The following ZNF429 variants were observed in gnomAD, a reference collection of about 807,000 sequenced individuals.
ZNF429 encodes the protein zinc finger protein 429.
In ZNF429, 53 loss-of-function variants were observed where a neutral mutation model predicts 56.8. The ratio of observed to expected loss-of-function variants is 0.93; its 90% CI spans 0.75 to 1.17. ZNF429 has a LOEUF of 1.17. Ranked by LOEUF, ZNF429 falls within the 50% of genes most tolerant of loss-of-function variation. ZNF429 has a pLI of 0.00. For missense variants in ZNF429, 849 were observed against 788.4 expected, an observed-to-expected ratio of 1.08 and a Z score of -0.92; for synonymous variants, 278 against 264.7, an observed-to-expected ratio of 1.05 and a Z score of -0.49.
intron 1 of ZNF429, among the ~76,000 whole-genome samples, chr19:21,514,149 T>C (rs752400131): frequency 5.3e-5 from 8 of 152,210 alleles, no homozygotes; most frequent in Non-Finnish European, 1.0e-4. Flanking sequence ...ACCAGTCTTT[T>C]CACCTACATA....
At position 21,539,789 on chromosome 19, in the gene ZNF429, A is replaced by G. The variant is rs1239383535; in HGVS notation, c.*1711A>G. ...AAATTTTTGAAAAGCAAATTATGAT[A>G]TAATTCAAGTATCAAATTACTTCAT... On this transcript the variant is annotated 3_prime_UTR_variant, in exon 4 of 4. Transcript: ENST00000358491. Among the ~76,000 whole-genome samples, 2 of 152,162 alleles carry G rather than the reference A, an allele frequency of 1.3e-5. No individual in the cohort carries two copies. The highest frequency in any genetic ancestry group is 2.4e-5 in the African/African-American group (1 of 41,448).
intron 1 of ZNF429, 64 bp from the exon 2 acceptor site, chr19:21,529,593 TG>T: frequency 7.4e-7 from 1 of 1,353,740 alleles, no homozygotes; most frequent in South Asian, 1.9e-5. Context: ...ATTCTACCCA[TG>T]GGCACTTGGT....
At position 21,538,277 on chromosome 19, in the gene ZNF429, CAAAAAAAAA is replaced by C. The variant is rs531427318; in HGVS notation, c.*213_*221del. ...TGGGTGACAGAGCCAGACTCCATCT[CAAAAAAAAA>C]AAAAAAAAAAAAAGAAAAGAAAATT... On this transcript the variant is annotated 3_prime_UTR_variant, in exon 4 of 4. Transcript: ENST00000358491. 6.1e-4 allele frequency among the ~76,000 whole-genome samples: 21 copies of C among 34,390 alleles called. No homozygotes were observed. The highest frequency in any genetic ancestry group is 2.2e-3 in the South Asian group (1 of 456). The allele number at this position is 34,390 out of a possible 152,430, so 22.6% of individuals were successfully genotyped here.
At chr19:21,505,902 C>A in intron 1 of ZNF429, 128 bp downstream of exon 1, 1 of 1,072,450 alleles carries the variant, frequency 9.3e-7, no homozygotes, top group South Asian at 1.4e-5. Flanking sequence ...TCTCCTTGCC[C>A]AGCTCGGCTT....
At chr19:21,520,719 G>A (rs1311248348) in intron 1 of ZNF429, among the ~76,000 whole-genome samples, 3 of 152,260 alleles carry the variant, frequency 2.0e-5, no homozygotes, top group African/African-American at 4.8e-5. Flanking sequence ...ATTATCCAGG[G>A]TAATTATCTG....
In ZNF429 at chr19:21,514,017, A is replaced by G. The variant is rs116948902; in HGVS notation, c.3+8243A>G. Among the ~76,000 whole-genome samples the G allele has an allele frequency of 9.1e-3, 1,381 of 152,284 alleles. 17 individuals are homozygous for G. The highest frequency in any genetic ancestry group is 0.013 in the Non-Finnish European group (880 of 68,020). On this transcript the variant is annotated intron_variant, in intron 1 of 3. Transcript: ENST00000358491. ...TTCCTACTCCCAGACACAATCTGCA[A>G]CAGCAACCTGTTTTTCTCCACCAAC...
intron 1 of ZNF429, among the ~76,000 whole-genome samples, chr19:21,516,415 T>G (rs2032747214): frequency 6.6e-6 from 1 of 152,208 alleles, no homozygotes; most frequent in Admixed American, 6.5e-5. Flanking sequence ...AGGATTGCAT[T>G]GGCTCTTCGG....
intron 1 of ZNF429, among the ~76,000 whole-genome samples, chr19:21,515,330 A>C (rs1258291869): frequency 2.1e-5 from 3 of 143,914 alleles, no homozygotes; most frequent in Non-Finnish European, 4.5e-5. Flanking sequence ...GCATTTCTCT[A>C]CTGATTAGTG....
chr19:21,514,819 G>A (rs951677824), intron 1 of ZNF429, among the ~76,000 whole-genome samples: 9 of 151,824 alleles, frequency 5.9e-5, no homozygotes, highest in Non-Finnish European at 8.8e-5. Flanking sequence ...GGCTTGTCTC[G>A]AACTCCTGAC....
chr19:21,524,388 TGTG>T (rs1175985286), intron 1 of ZNF429, among the ~76,000 whole-genome samples: 1 of 151,932 alleles, frequency 6.6e-6, no homozygotes, highest in Non-Finnish European at 1.5e-5. Flanking sequence ...ATTAGCCGAG[TGTG>T]GTGGCACATG....
In ZNF429 at chr19:21,530,621, T is replaced by G. The variant is rs1380167720; in HGVS notation, c.163T>G (p.Cys55Gly). The change falls in exon 3 of 4, where the codon TGT becomes GGT. Residue 55 changes from cysteine (C) to glycine (G), a missense_variant. Transcript: ENST00000358491. ...IAVSKPDLIT[C>G]LEKEKEPCKM... ...TGTTTCTAAGCCAGACCTAATCACTTGTCTAGAGAAAGAAAAAGAACCCTG... is the reference window on the plus strand; with the variant it reads ...TGTTTCTAAGCCAGACCTAATCACTGGTCTAGAGAAAGAAAAAGAACCCTG... The G allele has an allele frequency of 1.9e-6, 3 of 1,611,776 alleles. No homozygotes were observed. Among genetic ancestry groups the G allele is most frequent in the Non-Finnish European group, 1.7e-6 (2 of 1,179,040 alleles).
Position 21,539,486 on chromosome 19 carries a change from A to G in ZNF429, c.*1408A>G, listed in dbSNP as rs908217228. On this transcript the variant is annotated 3_prime_UTR_variant, in exon 4 of 4. Coordinates refer to ENST00000358491, the MANE Select transcript of ZNF429 (RefSeq NM_001001415.4). ...GCCTACGTTGGAGTTCAGTGGCACA[A>G]TTTCAGCTTGCTGCCAACTTCGACC... Among the ~76,000 whole-genome samples, 5 of 151,996 alleles carry G rather than the reference A, an allele frequency of 3.3e-5. No homozygotes were observed. Among genetic ancestry groups the G allele is most frequent in the Non-Finnish European group, 5.9e-5 (4 of 68,020 alleles).
chr19:21,535,405 CT>C, intron 3 of ZNF429, among the ~76,000 whole-genome samples: 169 of 15,704 alleles, frequency 0.011, 22 homozygotes, highest in East Asian at 0.084. Context: ...TTCTTTCTTT[CT>C]TTTTCTTTTC....
At chr19:21,515,398 G>A (rs2032693435) in intron 1 of ZNF429, among the ~76,000 whole-genome samples, 2 of 151,880 alleles carry the variant, frequency 1.3e-5, no homozygotes, top group Non-Finnish European at 2.9e-5. Flanking sequence ...TCTTTAGAAT[G>A]GCATCTATTC....
intron 1 of ZNF429, among the ~76,000 whole-genome samples, chr19:21,515,196 C>T (rs1436565120): frequency 6.6e-6 from 1 of 150,824 alleles, no homozygotes; most frequent in Non-Finnish European, 1.5e-5. Context: ...GTACCTTGGC[C>T]TCCCAAAGTG....
chr19:21,525,338 TA>T (rs1411669225), intron 1 of ZNF429, among the ~76,000 whole-genome samples: 8 of 152,196 alleles, frequency 5.3e-5, no homozygotes, highest in Non-Finnish European at 1.0e-4. Flanking sequence ...TAAAAAAAAT[TA>T]AAATTACACA....
intron 1 of ZNF429, among the ~76,000 whole-genome samples, chr19:21,527,101 C>T (rs549893627): frequency 6.6e-6 from 1 of 152,240 alleles, no homozygotes; most frequent in African/African-American, 2.4e-5. Context: ...TGACAAGAGT[C>T]CTGAGTGGAA....
chr19:21,529,622 T>TTTCTCTCTCC (rs397784908), intron 1 of ZNF429, 36 bp from the exon 2 acceptor site: 1 of 1,465,390 alleles, frequency 6.8e-7, no homozygotes, highest in East Asian at 2.5e-5. Flanking sequence ...TTTCTCTCTC[T>TTTCTCTCTCC]TTCTCTCTCC....
chr19:21,534,818 G>GT, intron 3 of ZNF429, among the ~76,000 whole-genome samples: 91 of 140,524 alleles, frequency 6.5e-4, no homozygotes, highest in African/African-American at 1.7e-3. Flanking sequence ...TCGTTTGTTT[G>GT]TTTTTTTTTG....
Sources: gnomAD v4.1 joint callset for allele counts (sites outside exome capture counted in the v4.1 genomes callset) on GRCh38, gnomAD v4.1.1 for gene constraint, MANE v1.5 for transcripts, NCBI Gene and HGNC (gene_info 2026-07-23, HGNC 2026-07-21) for gene names.